The following FGF12 variants were observed in gnomAD, a reference collection of about 807,000 sequenced individuals.
FGF12 encodes fibroblast growth factor 12B.
FGF12 carries 14 observed loss-of-function variants against 23.6 expected under a neutral mutation model. The observed-to-expected ratio is 0.59, with a 90% CI of 0.39 to 0.93. FGF12 has a LOEUF of 0.93. Ranked by LOEUF, FGF12 falls within the 40% of genes least tolerant of loss-of-function variation. The pLI is 0.00. For synonymous variants in FGF12, 62 were observed against 77.3 expected, an observed-to-expected ratio of 0.80 and a Z score of 1.04; for missense variants, 175 against 217.8, an observed-to-expected ratio of 0.80 and a Z score of 1.24.
At chr3:192,149,224 T>G (rs942452974) in intron 5 of FGF12, among the ~76,000 whole-genome samples, 1 of 152,334 alleles carries the variant, frequency 6.6e-6, no homozygotes, top group East Asian at 1.9e-4. Context: ...TTACGTGATA[T>G]GGATACAACT....
At chr3:192,719,459 G>C (rs577725640) in intron 2 of FGF12, among the ~76,000 whole-genome samples, 33 of 152,242 alleles carry the variant, frequency 2.2e-4, no homozygotes, top group African/African-American at 7.2e-4. Flanking sequence ...TAGTAAAAAA[G>C]TACTCATTTC....
At chr3:192,262,629 A>G (rs760388374) in intron 4 of FGF12, among the ~76,000 whole-genome samples, 2 of 152,128 alleles carry the variant, frequency 1.3e-5, no homozygotes, top group Non-Finnish European at 2.9e-5. Context: ...GGTTTGTAGC[A>G]TAGGAACCAG....
intron 4 of FGF12, among the ~76,000 whole-genome samples, chr3:192,217,535 A>C (rs1175577240): frequency 6.6e-6 from 1 of 152,180 alleles, no homozygotes; most frequent in Non-Finnish European, 1.5e-5. Flanking sequence ...AAACACATGG[A>C]GCTGTAAAAC....
At chr3:192,172,012 C>G (rs1447959315) in intron 4 of FGF12, among the ~76,000 whole-genome samples, 1 of 151,900 alleles carries the variant, frequency 6.6e-6, no homozygotes, top group East Asian at 1.9e-4. Flanking sequence ...TCCCAAGTAG[C>G]TGGAACTACA....
At chr3:192,570,962 G>A (rs1342810355) in intron 2 of FGF12, among the ~76,000 whole-genome samples, 1 of 152,130 alleles carries the variant, frequency 6.6e-6, no homozygotes, top group East Asian at 1.9e-4. Flanking sequence ...AAAAGGGAGG[G>A]GAAACAGACG....
intron 4 of FGF12, among the ~76,000 whole-genome samples, chr3:192,266,022 A>T (rs141127332): frequency 6.6e-6 from 1 of 152,324 alleles, no homozygotes; most frequent in Admixed American, 6.5e-5. Flanking sequence ...CATAAAAAGC[A>T]CTTAATAAAT....
In FGF12 at chr3:192,203,652, T is replaced by C. The variant is rs145981578; in HGVS notation, c.229-32996A>G. ...GGCACAATCATGGCTCACTGCAGCCTTGACTTCCTGGGCTCAAGTGATCCT... is the reference window on the plus strand; with the variant it reads ...GGCACAATCATGGCTCACTGCAGCCCTGACTTCCTGGGCTCAAGTGATCCT... On this transcript the variant is annotated intron_variant, in intron 4 of 5. Coordinates refer to ENST00000445105, the MANE Select transcript of FGF12 (RefSeq NM_004113.6). Among the ~76,000 whole-genome samples, 1,089 of 151,118 alleles carry C rather than the reference T, an allele frequency of 7.2e-3. 13 individuals are homozygous for C. The highest frequency in any genetic ancestry group is 0.025 in the African/African-American group (1,033 of 41,020).
At chr3:192,430,604 T>C (rs183279411) in intron 2 of FGF12, among the ~76,000 whole-genome samples, 1 of 152,330 alleles carries the variant, frequency 6.6e-6, no homozygotes, top group Admixed American at 6.5e-5. Context: ...TGATTACCAC[T>C]CTCTAAATAG....
intron 2 of FGF12, among the ~76,000 whole-genome samples, chr3:192,581,941 G>A (rs925767425): frequency 6.6e-6 from 1 of 152,148 alleles, no homozygotes; most frequent in East Asian, 1.9e-4. Flanking sequence ...GTACTCAAAT[G>A]TCCTGATAGA....
chr3:192,379,107 A>G (rs146737246), intron 2 of FGF12, among the ~76,000 whole-genome samples: 2,287 of 152,270 alleles, frequency 0.015, 42 homozygotes, highest in African/African-American at 0.053. Context: ...CTGGCTGCAT[A>G]GTATTCCATG....
intron 4 of FGF12, among the ~76,000 whole-genome samples, chr3:192,301,787 CT>C (rs1265479962): frequency 3.3e-5 from 5 of 152,048 alleles, no homozygotes; most frequent in Non-Finnish European, 7.4e-5. Context: ...TGGGTAGATT[CT>C]CCACCTTGAG....
intron 4 of FGF12, among the ~76,000 whole-genome samples, chr3:192,241,410 C>T (rs1560030481): frequency 6.6e-6 from 1 of 151,932 alleles, no homozygotes; most frequent in Non-Finnish European, 1.5e-5. Flanking sequence ...TATTTAATAT[C>T]TCAAAGGAAA....
In FGF12 at chr3:192,341,340, T is replaced by G. The variant is rs75003056; in HGVS notation, c.125-5876A>C. The stretch of plus-strand genomic sequence containing the variant: ...GGAAAGACTGAATTATATTTCTCTC[T>G]ACAAGAAATGTATAATAAAATTGTT... On this transcript the variant is annotated intron_variant, in intron 3 of 5. Coordinates refer to ENST00000445105, the MANE Select transcript of FGF12 (RefSeq NM_004113.6). Among the ~76,000 whole-genome samples the G allele has an allele frequency of 1.8e-4, 27 of 152,270 alleles. No individual in the cohort carries two copies. In the East Asian group the frequency reaches 5.2e-3, roughly 29 times the overall value.
chr3:192,640,671 GT>G (rs1715758325), intron 2 of FGF12, among the ~76,000 whole-genome samples: 1 of 152,150 alleles, frequency 6.6e-6, no homozygotes, highest in Non-Finnish European at 1.5e-5. Flanking sequence ...AAAAATTTTG[GT>G]TGGTAAAAGT....
chr3:192,304,136 G>T (rs1577336040), intron 4 of FGF12, among the ~76,000 whole-genome samples: 1 of 152,120 alleles, frequency 6.6e-6, no homozygotes, highest in African/African-American at 2.4e-5. Context: ...TTGCTAAATT[G>T]GAGACAGTTT....
intron 4 of FGF12, among the ~76,000 whole-genome samples, chr3:192,314,460 C>T (rs1716125209): frequency 6.6e-6 from 1 of 152,148 alleles, no homozygotes; most frequent in Admixed American, 6.5e-5. Context: ...TTCCTCTGTG[C>T]CTCTTTCTAC....
At chr3:192,571,475 G>C (rs1206919384) in intron 2 of FGF12, among the ~76,000 whole-genome samples, 2 of 152,248 alleles carry the variant, frequency 1.3e-5, no homozygotes, top group South Asian at 4.1e-4. Context: ...CGAGCAGCGC[G>C]GCATCAACAG....
chr3:192,473,306 A>G (rs1177023731), intron 2 of FGF12, among the ~76,000 whole-genome samples: 3 of 152,180 alleles, frequency 2.0e-5, no homozygotes, highest in East Asian at 1.9e-4. Flanking sequence ...TGCTTTCACT[A>G]ATTTATTCCC....
At chr3:192,385,537 A>T (rs1289766507) in intron 2 of FGF12, among the ~76,000 whole-genome samples, 1 of 152,154 alleles carries the variant, frequency 6.6e-6, no homozygotes, top group Non-Finnish European at 1.5e-5. Context: ...TTCACAAAAC[A>T]AAGCAGGACT....
Sources: allele counts gnomAD v4.1 joint callset (sites outside exome capture counted in the v4.1 genomes callset), GRCh38; gene constraint gnomAD v4.1.1; transcripts MANE v1.5; gene names NCBI Gene and HGNC (gene_info 2026-07-23, HGNC 2026-07-21).